MCHR2: variants seen among roughly 807,000 people sequenced by gnomAD.
MCHR2 encodes the protein melanin concentrating hormone receptor 2.
In MCHR2, 15 loss-of-function variants were observed where a neutral mutation model predicts 24.8. The observed-to-expected ratio is 0.60, with a 90% CI of 0.40 to 0.93. MCHR2 has a LOEUF of 0.93. MCHR2 is among the 40% of genes least tolerant of loss of function. The pLI is 0.00. For synonymous variants in MCHR2, 151 were observed against 147.6 expected (o/e 1.02, Z -0.17); for missense variants, 386 against 408.7 (o/e 0.94, Z 0.48).
At chr6:99,990,550 C>T (rs146635954) in intron 1 of MCHR2, among the ~76,000 whole-genome samples, 11 of 152,126 alleles carry the variant, frequency 7.2e-5, no homozygotes, top group East Asian at 3.9e-4. Flanking sequence ...GTAAAATGTA[C>T]GGTAAAGTTA....
At chr6:99,961,201 C>T (rs374332684) in intron 1 of MCHR2, among the ~76,000 whole-genome samples, 1 of 151,506 alleles carries the variant, frequency 6.6e-6, no homozygotes, top group Non-Finnish European at 1.5e-5. Flanking sequence ...AAAAAAAAAG[C>T]GTTTTAGGAA....
At position 99,939,306 on chromosome 6, in the gene MCHR2, G is replaced by T. The variant is rs145386243; in HGVS notation, c.587+3643C>A. Reference sequence around the variant, plus strand: ...TTGTGGAAAAGTGAATTTCTCTGGCGGAATGTCTTAGTTCATTCCTTTTTA... The same window carrying T: ...TTGTGGAAAAGTGAATTTCTCTGGCTGAATGTCTTAGTTCATTCCTTTTTA... On this transcript the variant is annotated intron_variant, in intron 4 of 5. Transcript: ENST00000281806. Among the ~76,000 whole-genome samples, 714 of 151,864 alleles carry T rather than the reference G, an allele frequency of 4.7e-3. 5 individuals are homozygous for T. The highest frequency in any genetic ancestry group is 0.016 in the African/African-American group (675 of 41,456).
At chr6:99,956,702 G>A (rs991434319) in intron 1 of MCHR2, among the ~76,000 whole-genome samples, 2 of 152,100 alleles carry the variant, frequency 1.3e-5, no homozygotes, top group African/African-American at 2.4e-5. Context: ...AATTAGAGTT[G>A]TGGGAAGGGA....
intron 5 of MCHR2, among the ~76,000 whole-genome samples, chr6:99,929,967 T>C (rs1029579149): frequency 2.0e-5 from 3 of 150,672 alleles, no homozygotes; most frequent in African/African-American, 4.9e-5. Context: ...GATTTTGCAG[T>C]GGCTGGTACC....
rs200951768 is a variant in MCHR2 at position 99,920,438 on chromosome 6, T to C, written c.*502A>G. ...CATGTGTGCAATAAATGGTAACTTA[T>C]TCTAAAAGGTGGGGCTTAGTTGTTG... On this transcript the variant is annotated 3_prime_UTR_variant, in exon 6 of 6. Coordinates refer to ENST00000281806, the MANE Select transcript of MCHR2 (RefSeq NM_001040179.2). The C allele has an allele frequency of 6.4e-6, 1 of 155,488 alleles. No homozygotes were observed. Among genetic ancestry groups the C allele is most frequent in the South Asian group, 2.0e-4 (1 of 5,072 alleles). 9.6% of individuals were successfully genotyped at this position (155,488 alleles called of 1,614,324 possible). A position where few individuals can be genotyped will look rare whatever the true frequency, so the allele number is the denominator to read the frequency against.
At chr6:99,949,765 G>T (rs1028740729) in intron 2 of MCHR2, among the ~76,000 whole-genome samples, 3 of 152,020 alleles carry the variant, frequency 2.0e-5, no homozygotes, top group Non-Finnish European at 2.9e-5. Flanking sequence ...AGGGAGAGGA[G>T]ACATGAAGAA....
intron 2 of MCHR2, among the ~76,000 whole-genome samples, chr6:99,948,918 T>C (rs1774921694): frequency 6.6e-6 from 1 of 152,116 alleles, no homozygotes; most frequent in Admixed American, 6.5e-5. Flanking sequence ...GTGAGAGTCA[T>C]CTGAAAAGAG....
In MCHR2 at chr6:99,934,536, A is replaced by AAG. The variant is rs751691904; in HGVS notation, c.588-21_588-20dup. ...TGTATACCTGTAAAATGAGAGAGAG[A>AAG]AGAGAGAGAGAGAAAGAACAACACC... On this transcript the variant is annotated intron_variant, in intron 4 of 5. Coordinates refer to ENST00000281806, the MANE Select transcript of MCHR2 (RefSeq NM_001040179.2). The AAG allele has an allele frequency of 6.5e-6, 10 of 1,543,410 alleles. No homozygotes were observed. Among genetic ancestry groups the AAG allele is most frequent in the East Asian group, 4.8e-5 (2 of 42,040 alleles).
intron 1 of MCHR2, among the ~76,000 whole-genome samples, chr6:99,988,658 C>T (rs1035889485): frequency 2.0e-5 from 3 of 151,818 alleles, no homozygotes; most frequent in South Asian, 4.1e-4. Context: ...CAAGGAAAAA[C>T]GAGATAATCA....
At chr6:99,943,630 C>T (rs991599676) in intron 3 of MCHR2, among the ~76,000 whole-genome samples, 1 of 151,928 alleles carries the variant, frequency 6.6e-6, no homozygotes, top group African/African-American at 2.4e-5. Flanking sequence ...ATGATGATTT[C>T]CAATTTCATC....
intron 4 of MCHR2, among the ~76,000 whole-genome samples, chr6:99,942,348 C>T (rs371934636): frequency 7.2e-5 from 11 of 152,142 alleles, no homozygotes; most frequent in African/African-American, 2.7e-4. Flanking sequence ...CCTTGGCTTA[C>T]AGACATATCA....
At chr6:99,959,275 G>A (rs988795098) in intron 1 of MCHR2, among the ~76,000 whole-genome samples, 1 of 151,942 alleles carries the variant, frequency 6.6e-6, no homozygotes, top group Non-Finnish European at 1.5e-5. Context: ...AAAGAAATTG[G>A]TAAATCTCTC....
At chr6:99,977,570 GCA>G (rs979653085) in intron 1 of MCHR2, among the ~76,000 whole-genome samples, 14 of 152,128 alleles carry the variant, frequency 9.2e-5, no homozygotes, top group African/African-American at 3.4e-4. Context: ...ATTTACCATT[GCA>G]TTGGTATAAA....
chr6:99,968,972 G>C (rs931279618), intron 1 of MCHR2, among the ~76,000 whole-genome samples: 10 of 151,900 alleles, frequency 6.6e-5, no homozygotes, highest in Non-Finnish European at 1.0e-4. Flanking sequence ...AGCTAAAGCA[G>C]GGCTATAAGG....
At chr6:99,931,194 G>A (rs546128759) in intron 5 of MCHR2, among the ~76,000 whole-genome samples, 3 of 152,280 alleles carry the variant, frequency 2.0e-5, no homozygotes, top group African/African-American at 7.2e-5. Flanking sequence ...TGTTCCCCTG[G>A]AAGTTTTGTC....
intron 5 of MCHR2, among the ~76,000 whole-genome samples, chr6:99,923,820 C>T (rs931821640): frequency 3.9e-5 from 6 of 152,004 alleles, no homozygotes; most frequent in African/African-American, 1.4e-4. Context: ...ATTTGGTTTG[C>T]TAATATTTTG....
chr6:99,966,724 T>C (rs1775301859), intron 1 of MCHR2, among the ~76,000 whole-genome samples: 1 of 152,186 alleles, frequency 6.6e-6, no homozygotes, highest in African/African-American at 2.4e-5. Context: ...TGAAAAAGTT[T>C]AAGCATTAGT....
At chr6:99,963,296 G>A (rs1295781048) in intron 1 of MCHR2, among the ~76,000 whole-genome samples, 2 of 152,046 alleles carry the variant, frequency 1.3e-5, no homozygotes, top group African/African-American at 2.4e-5. Context: ...TGTAAAAAAA[G>A]TTTACACATA....
At chr6:99,925,247 G>A (rs1418685410) in intron 5 of MCHR2, among the ~76,000 whole-genome samples, 1 of 151,742 alleles carries the variant, frequency 6.6e-6, no homozygotes, top group Non-Finnish European at 1.5e-5. Context: ...TTGGTATGGT[G>A]TATGTTTTTC....
Sources: allele counts gnomAD v4.1 joint callset (sites outside exome capture counted in the v4.1 genomes callset), GRCh38; gene constraint gnomAD v4.1.1; transcripts MANE v1.5; gene names NCBI Gene and HGNC (gene_info 2026-07-23, HGNC 2026-07-21).